EXOC1: variants seen among roughly 807,000 people sequenced by gnomAD.
EXOC1 encodes exocyst complex component 1.
Under a neutral mutation model 107.7 loss-of-function variants are expected in EXOC1, and 67 were observed. The observed-to-expected ratio is 0.62, with a 90% CI of 0.51 to 0.76. EXOC1 has a LOEUF of 0.76. Among genes scored for constraint, EXOC1 ranks in the 30% least tolerant of loss-of-function variants. EXOC1 has a pLI of 0.00. For missense variants in EXOC1, 833 were observed against 1,055.7 expected (o/e 0.79, Z 2.92); for synonymous variants, 348 against 353.5 (o/e 0.98, Z 0.17).
chr4:55,870,978 T>A, intron 6 of EXOC1, 73 bp downstream of exon 6: 1 of 1,549,070 alleles, frequency 6.5e-7, no homozygotes, highest in Non-Finnish European at 8.7e-7. Flanking sequence ...AAACATTTTT[T>A]AATTTCCTTG....
Position 55,904,357 on chromosome 4 carries a change from C to T in EXOC1, c.2547C>T (p.Ser849=). 1 of 1,606,840 alleles carries T rather than the reference C, an allele frequency of 6.2e-7. No individual in the cohort carries two copies. The highest frequency in any genetic ancestry group is 8.5e-7 in the Non-Finnish European group (1 of 1,177,680). The change falls in exon 19 of 19, where the codon TCC becomes TCT. Residue 849 remains serine, a synonymous_variant. Coordinates refer to ENST00000381295, the MANE Select transcript of EXOC1 (RefSeq NM_001024924.2). The part of the protein sequence containing the change: ...EENLLQVVWH[S]MQDEFIRQYK... ...TTTAATAATAGGTGGTGTGGCACTC[C>T]ATGCAAGATGAATTTATACGCCAGT...
chr4:55,887,708 C>G (rs1182312058), intron 10 of EXOC1, among the ~76,000 whole-genome samples: 3 of 149,858 alleles, frequency 2.0e-5, no homozygotes, highest in Non-Finnish European at 3.0e-5. Flanking sequence ...CCTTGTCAAC[C>G]TAATGAGATC....
In EXOC1 at chr4:55,904,501, G is replaced by T. The variant is rs1016379441; in HGVS notation, c.*6G>T. The T allele has an allele frequency of 1.2e-6, 2 of 1,600,186 alleles. No individual in the cohort carries two copies. Among genetic ancestry groups the T allele is most frequent in the Non-Finnish European group, 1.7e-6 (2 of 1,173,384 alleles). On this transcript the variant is annotated 3_prime_UTR_variant, in exon 19 of 19. Coordinates refer to ENST00000381295, the MANE Select transcript of EXOC1 (RefSeq NM_001024924.2). Reference sequence around the variant, plus strand: ...GCATTGCACAGTCCCACTAAACCTTGTGAAAGAAGAAAAGATAACTGAATG... The same window carrying T: ...GCATTGCACAGTCCCACTAAACCTTTTGAAAGAAGAAAAGATAACTGAATG...
intron 3 of EXOC1, among the ~76,000 whole-genome samples, chr4:55,863,608 T>C (rs1721683653): frequency 6.6e-6 from 1 of 152,100 alleles, no homozygotes; most frequent in Admixed American, 6.5e-5. Context: ...TGAGACCCTG[T>C]CTCAAAAAAA....
chr4:55,872,096 A>G, intron 8 of EXOC1, 138 bp downstream of exon 8: 1 of 797,330 alleles, frequency 1.3e-6, no homozygotes. Context: ...AAGATTTTGA[A>G]ATAGGAGCCT....
chr4:55,884,082 A>G (rs1490150103), intron 10 of EXOC1, among the ~76,000 whole-genome samples, 154 bp downstream of exon 10: 3 of 152,242 alleles, frequency 2.0e-5, no homozygotes, highest in Admixed American at 1.3e-4. Flanking sequence ...TAGCCGTTTC[A>G]TAGAACAAAT....
chr4:55,856,649 A>G (rs1278165345), intron 1 of EXOC1, among the ~76,000 whole-genome samples: 3 of 152,242 alleles, frequency 2.0e-5, no homozygotes, highest in African/African-American at 7.2e-5. Context: ...GCAAGCTCAC[A>G]TGTATGAAAT....
chr4:55,860,240 G>T (rs960140356), intron 2 of EXOC1, among the ~76,000 whole-genome samples, 171 bp from the exon 3 acceptor site: 4 of 152,032 alleles, frequency 2.6e-5, no homozygotes, highest in Non-Finnish European at 5.9e-5. Context: ...GTCTGACTTA[G>T]ATGCTTCTAT....
intron 3 of EXOC1, among the ~76,000 whole-genome samples, chr4:55,864,026 G>A (rs1017560449): frequency 1.3e-5 from 2 of 152,196 alleles, no homozygotes; most frequent in Admixed American, 6.5e-5. Context: ...ACAACAGTAT[G>A]TTGTTTTTTC....
chr4:55,894,820 C>A (rs1318846510), intron 15 of EXOC1, among the ~76,000 whole-genome samples: 1 of 151,904 alleles, frequency 6.6e-6, no homozygotes, highest in Non-Finnish European at 1.5e-5. Context: ...TGGGGTTTCT[C>A]CATGTTGGTC....
At chr4:55,882,980 T>G (rs1272193466) in intron 9 of EXOC1, 2 of 152,134 alleles carry the variant, frequency 1.3e-5, no homozygotes, top group Non-Finnish European at 2.9e-5. Flanking sequence ...CTCCCACTGT[T>G]GAGGAACTCT....
In EXOC1 at chr4:55,864,488, G is replaced by A. The variant is rs182532679; in HGVS notation, c.415+102G>A. 1.0e-4 allele frequency: 106 copies of A among 1,023,914 alleles called. 2 individuals are homozygous for A. In the South Asian group the frequency reaches 1.5e-3, roughly 15 times the overall value. 63.4% of individuals were successfully genotyped at this position (1,023,914 alleles called of 1,614,324 possible). On this transcript the variant is annotated intron_variant, in intron 4 of 18. Transcript: ENST00000381295. ...AATTAGAATACTGAATTATCTTATC[G>A]TAAAAGAACTTTAAAATAATTTTTC...
intron 1 of EXOC1, among the ~76,000 whole-genome samples, chr4:55,857,871 G>A (rs1305497273): frequency 6.6e-6 from 1 of 152,266 alleles, no homozygotes; most frequent in South Asian, 2.1e-4. Flanking sequence ...TTGTGGTTTT[G>A]ATTTGCATTT....
At chr4:55,865,495 G>A (rs1201218832) in intron 4 of EXOC1, among the ~76,000 whole-genome samples, 1 of 152,180 alleles carries the variant, frequency 6.6e-6, no homozygotes, top group African/African-American at 2.4e-5. Context: ...GTAATTGAGT[G>A]TGTAGAGGGA....
intron 4 of EXOC1, among the ~76,000 whole-genome samples, chr4:55,867,120 T>C (rs2110327595): frequency 6.6e-6 from 1 of 152,348 alleles, no homozygotes; most frequent in Non-Finnish European, 1.5e-5. Flanking sequence ...TGTTTAAGTC[T>C]ACTTGTGTAA....
chr4:55,855,640 G>C (rs986061965), intron 1 of EXOC1, among the ~76,000 whole-genome samples: 1 of 152,136 alleles, frequency 6.6e-6, no homozygotes, highest in Non-Finnish European at 1.5e-5. Flanking sequence ...TACTCTTTGC[G>C]TGGGGCGGCT....
At chr4:55,875,697 A>G (rs1393015953) in intron 8 of EXOC1, 1 of 985,176 alleles carries the variant, frequency 1.0e-6, no homozygotes, top group Non-Finnish European at 1.2e-6. Flanking sequence ...TACTAATAAA[A>G]ACTATTTGGT....
chr4:55,858,216 G>A lies in EXOC1; in HGVS notation c.-10-98G>A, dbSNP rs923271894. ...TCATATATTAAATCATTTTTCCTAG[G>A]CTTGTTAACCAAAAATTATTTTCAA... On this transcript the variant is annotated intron_variant, in intron 1 of 18. Transcript: ENST00000381295. 3.2e-6 allele frequency: 4 copies of A among 1,264,812 alleles called. No homozygotes were observed. In the African/African-American group the frequency reaches 6.1e-5, roughly 19 times the overall value. 78.3% of individuals were successfully genotyped at this position (1,264,812 alleles called of 1,614,324 possible). A position where few individuals can be genotyped will look rare whatever the true frequency, so the allele number is the denominator to read the frequency against.
intron 9 of EXOC1, among the ~76,000 whole-genome samples, chr4:55,881,856 T>C (rs201221550): frequency 1.4e-4 from 19 of 139,132 alleles, no homozygotes; most frequent in Admixed American, 5.7e-4. Flanking sequence ...CCAAGATTTA[T>C]TTTCCTTTCA....
Sources: allele counts gnomAD v4.1 joint callset (sites outside exome capture counted in the v4.1 genomes callset), GRCh38; gene constraint gnomAD v4.1.1; transcripts MANE v1.5; gene names NCBI Gene and HGNC (gene_info 2026-07-23, HGNC 2026-07-21).